Variants in PTPRN2 observed in about 807,000 individuals in gnomAD.
PTPRN2 encodes the protein protein tyrosine phosphatase receptor type N2, also known as receptor-type tyrosine-protein phosphatase N2.
PTPRN2 carries 74 observed loss-of-function variants against 118.8 expected under a neutral mutation model. The ratio of observed to expected loss-of-function variants is 0.62; its 90% confidence interval spans 0.52 to 0.76. The LOEUF is 0.76. Ranked by LOEUF, PTPRN2 falls within the 30% of genes least tolerant of loss-of-function variation. The probability of loss-of-function intolerance (pLI) is 0.00; values close to 1 mark genes in which losing one functional copy is unlikely to be tolerated. For missense variants in PTPRN2, 1,481 were observed against 1,394.4 expected, an observed-to-expected ratio of 1.06 and a Z score of -0.99; for synonymous variants, 641 against 608.0, an observed-to-expected ratio of 1.05 and a Z score of -0.80.
chr7:158,390,468 C>T (rs545505130), intron 2 of PTPRN2, among the ~76,000 whole-genome samples: 1 of 152,334 alleles, frequency 6.6e-6, no homozygotes, highest in Admixed American at 6.5e-5. Context: ...AGCTGGAGGC[C>T]CTTCTGCCCC....
intron 15 of PTPRN2, among the ~76,000 whole-genome samples, chr7:157,621,022 G>A (rs932193908): frequency 2.0e-5 from 3 of 148,818 alleles, no homozygotes; most frequent in Non-Finnish European, 4.5e-5. Flanking sequence ...TCCTGCCCCC[G>A]GGACTGGTAT....
At chr7:157,936,295 G>T (rs1042316134) in intron 11 of PTPRN2, among the ~76,000 whole-genome samples, 3 of 152,132 alleles carry the variant, frequency 2.0e-5, no homozygotes, top group Non-Finnish European at 4.4e-5. Flanking sequence ...CTGCTTTCTT[G>T]AGGTGACGAG....
intron 12 of PTPRN2, among the ~76,000 whole-genome samples, chr7:157,793,832 C>T (rs1804679915): frequency 6.6e-6 from 1 of 152,160 alleles, no homozygotes; most frequent in South Asian, 2.1e-4. Flanking sequence ...GCAGTAATCT[C>T]CTGACCTCCA....
intron 11 of PTPRN2, among the ~76,000 whole-genome samples, chr7:157,930,711 G>A (rs547786649): frequency 3.9e-5 from 6 of 152,202 alleles, no homozygotes; most frequent in Non-Finnish European, 8.8e-5. Context: ...GCAGGTAAGC[G>A]GGCAGCTTCC....
At chr7:157,621,652 T>C (rs1177083418) in intron 14 of PTPRN2, 143 bp from the exon 15 acceptor site, 14 of 984,664 alleles carry the variant, frequency 1.4e-5, no homozygotes, top group Non-Finnish European at 2.1e-5. Context: ...TGCGACGTTG[T>C]GCTACGGTGC....
At chr7:157,993,894 G>T (rs1365711599) in intron 11 of PTPRN2, among the ~76,000 whole-genome samples, 1 of 152,154 alleles carries the variant, frequency 6.6e-6, no homozygotes, top group African/African-American at 2.4e-5. Context: ...CCCAAGGGGG[G>T]TCAGTGGCCC....
intron 10 of PTPRN2, among the ~76,000 whole-genome samples, chr7:158,100,995 T>C (rs1384931470): frequency 1.3e-5 from 2 of 152,104 alleles, no homozygotes; most frequent in African/African-American, 4.8e-5. Flanking sequence ...AATACCACCA[T>C]CATTCTTCAC....
At position 157,598,988 on chromosome 7, in the gene PTPRN2, A is replaced by G. The variant is rs1712429012; in HGVS notation, c.2419-3673T>C. On this transcript the variant is annotated intron_variant, in intron 16 of 22. Coordinates refer to ENST00000389418, the MANE Select transcript of PTPRN2 (RefSeq NM_002847.5). The surrounding 1 kb of genome is among the most constrained non-coding windows in gnomAD (Gnocchi z 5.2). ...AAATCAACAGCCAGAAGGCAAGTAC[A>G]ATTAACAGTATAATTCTGTTTTTAC... Among the ~76,000 whole-genome samples, 1 of 151,944 alleles carries G rather than the reference A, an allele frequency of 6.6e-6. No homozygotes were observed. Among genetic ancestry groups the G allele is most frequent in the Admixed American group, 6.5e-5 (1 of 15,272 alleles).
chr7:158,486,600 C>T (rs529736205), intron 2 of PTPRN2, among the ~76,000 whole-genome samples: 1 of 152,298 alleles, frequency 6.6e-6, no homozygotes, highest in Non-Finnish European at 1.5e-5. Context: ...ACCAAAGTTA[C>T]TCCAGAGTTA....
At chr7:157,654,964 A>G (rs972150721) in intron 14 of PTPRN2, among the ~76,000 whole-genome samples, 4 of 152,318 alleles carry the variant, frequency 2.6e-5, no homozygotes, top group Admixed American at 2.6e-4. Flanking sequence ...TCTAAAAGGG[A>G]CAAATGTCAA....
At chr7:157,597,199 GA>G (rs796289232) in intron 16 of PTPRN2, among the ~76,000 whole-genome samples, 23 of 152,334 alleles carry the variant, frequency 1.5e-4, no homozygotes, top group African/African-American at 5.3e-4. Flanking sequence ...GGGAAGCAGG[GA>G]GAAAAGCTTT....
intron 2 of PTPRN2, among the ~76,000 whole-genome samples, chr7:158,455,293 A>C (rs1344700030): frequency 9.3e-4 from 41 of 44,112 alleles, no homozygotes; most frequent in African/African-American, 4.1e-3. Flanking sequence ...TCTGCAGAGA[A>C]GACAACGGCA....
chr7:158,452,322 A>G (rs1818141983), intron 2 of PTPRN2, among the ~76,000 whole-genome samples: 1 of 152,258 alleles, frequency 6.6e-6, no homozygotes, highest in African/African-American at 2.4e-5. Flanking sequence ...ACTTACATGT[A>G]TAGGTTTATT....
At chr7:157,578,936 C>CT (rs1301308887) in intron 17 of PTPRN2, among the ~76,000 whole-genome samples, 3 of 152,200 alleles carry the variant, frequency 2.0e-5, no homozygotes, top group Non-Finnish European at 4.4e-5. Context: ...GAGGGGTCTG[C>CT]TTTTTCTGCA....
At chr7:158,337,579 C>T (rs113333312) in intron 2 of PTPRN2, among the ~76,000 whole-genome samples, 1 of 89,348 alleles carries the variant, frequency 1.1e-5, no homozygotes, top group Non-Finnish European at 2.5e-5. Flanking sequence ...ATTGGTGACA[C>T]CTGCAGACGT....
At position 157,763,900 on chromosome 7, in the gene PTPRN2, G is replaced by GCAA. The variant is rs964182661; in HGVS notation, c.1789-80966_1789-80964dup. ...GTGCCCACCTTTTGTTTTCAGAGAA[G>GCAA]CAACAACACCTCATATTCAGTCTAA... On this transcript the variant is annotated intron_variant, in intron 12 of 22. Coordinates refer to ENST00000389418, the MANE Select transcript of PTPRN2 (RefSeq NM_002847.5). This position sits in a 1 kb window ranked among gnomAD's most constrained non-coding sequence, Gnocchi z 4.9. Among the ~76,000 whole-genome samples the GCAA allele has an allele frequency of 3.0e-4, 46 of 152,234 alleles. No individual in the cohort carries two copies. Among genetic ancestry groups the GCAA allele is most frequent in the African/African-American group, 1.1e-3 (46 of 41,550 alleles).
At position 158,003,689 on chromosome 7, in the gene PTPRN2, G is replaced by A. The variant is rs1250073125; in HGVS notation, c.1723+77609C>T. Among the ~76,000 whole-genome samples the A allele has an allele frequency of 1.3e-5, 2 of 152,026 alleles. No individual in the cohort carries two copies. The highest frequency in any genetic ancestry group is 2.4e-5 in the African/African-American group (1 of 41,378). On this transcript the variant is annotated intron_variant, in intron 11 of 22. Coordinates refer to ENST00000389418, the MANE Select transcript of PTPRN2 (RefSeq NM_002847.5). The surrounding 1 kb of genome is among the most constrained non-coding windows in gnomAD (Gnocchi z 5.0). Reference sequence around the variant, plus strand: ...GTGGCCACCCGAGCTGACTGACAGGGGTGGGGAAGCACGCCATCCGGGCTC... The same window carrying A: ...GTGGCCACCCGAGCTGACTGACAGGAGTGGGGAAGCACGCCATCCGGGCTC...
chr7:157,732,361 A>G (rs9801658), intron 12 of PTPRN2, among the ~76,000 whole-genome samples: 23 of 1,690 alleles, frequency 0.014, 7 homozygotes, highest in Non-Finnish European at 0.017. Context: ...CCCGTCCCAC[A>G]CGCCCAGCAC....
chr7:157,870,512 C>T (rs1372902340), intron 12 of PTPRN2, among the ~76,000 whole-genome samples: 1 of 152,232 alleles, frequency 6.6e-6, no homozygotes, highest in Non-Finnish European at 1.5e-5. Context: ...TAGCAGAATT[C>T]ATGTTGCTCT....
Sources: allele counts gnomAD v4.1 joint callset (sites outside exome capture counted in the v4.1 genomes callset), GRCh38; gene constraint gnomAD v4.1.1; non-coding constraint Gnocchi (gnomAD v3.1); transcripts MANE v1.5; gene names NCBI Gene and HGNC (gene_info 2026-07-23, HGNC 2026-07-21).